Variants in PPP2R2B observed in about 807,000 individuals in gnomAD.
The protein encoded by PPP2R2B is protein phosphatase 2 regulatory subunit Bbeta, also known as serine/threonine-protein phosphatase 2A 55 kDa regulatory subunit B beta isoform.
Under a neutral mutation model 46.0 loss-of-function variants are expected in PPP2R2B, and 5 were observed. That is an observed-to-expected ratio of 0.11 (90% CI 0.06 to 0.23). The LOEUF is 0.23. Ranked by LOEUF, PPP2R2B falls within the 10% of genes least tolerant of loss-of-function variation. The probability of loss-of-function intolerance (pLI) is 1.00; values close to 1 mark genes in which losing one functional copy is unlikely to be tolerated. For missense variants in PPP2R2B, 367 were observed against 575.0 expected (o/e 0.64, Z 3.70); for synonymous variants, 215 against 206.7 (o/e 1.04, Z -0.34).
At chr5:146,945,195 G>A (rs1764442365) in intron 1 of PPP2R2B, among the ~76,000 whole-genome samples, 2 of 152,112 alleles carry the variant, frequency 1.3e-5, no homozygotes, top group South Asian at 4.1e-4. Flanking sequence ...AAGAAAAATA[G>A]AAGACATTAG....
chr5:146,600,538 G>C, intron 7 of PPP2R2B, 78 bp from the exon 8 acceptor site: 1 of 1,435,610 alleles, frequency 7.0e-7, no homozygotes, highest in Non-Finnish European at 9.5e-7. Flanking sequence ...TGGCTAGGAA[G>C]CTGACAGTGT....
intron 1 of PPP2R2B, among the ~76,000 whole-genome samples, chr5:147,045,612 A>T (rs1756508972): frequency 1.3e-5 from 2 of 152,282 alleles, no homozygotes; most frequent in Admixed American, 6.5e-5. Context: ...TCCTCACAGC[A>T]GTCCCAAAAA....
At chr5:146,719,380 T>C (rs1043405667) in intron 2 of PPP2R2B, among the ~76,000 whole-genome samples, 3 of 152,248 alleles carry the variant, frequency 2.0e-5, no homozygotes, top group African/African-American at 7.2e-5. Context: ...TGACTTTAGG[T>C]GTCAGAAAGA....
chr5:146,961,811 A>AT (rs564893284), intron 1 of PPP2R2B, among the ~76,000 whole-genome samples: 5 of 151,884 alleles, frequency 3.3e-5, no homozygotes, highest in South Asian at 2.1e-4. Flanking sequence ...CATGGAGGAG[A>AT]TTTTTTTTCA....
chr5:146,730,530 T>C (rs1752163507), intron 2 of PPP2R2B, among the ~76,000 whole-genome samples: 2 of 152,106 alleles, frequency 1.3e-5, no homozygotes, highest in South Asian at 2.1e-4. Context: ...CTGAATTGTA[T>C]CTCCCAGAAT....
intron 1 of PPP2R2B, chr5:146,917,929 A>G (rs1763452469): frequency 6.6e-6 from 1 of 152,238 alleles, no homozygotes; most frequent in Non-Finnish European, 1.5e-5. Flanking sequence ...AAACAGAGTC[A>G]TCTCAAATAC....
chr5:146,880,111 C>T (rs1344991275), upstream of PPP2R2B, among the ~76,000 whole-genome samples: 2 of 151,968 alleles, frequency 1.3e-5, no homozygotes, highest in Non-Finnish European at 2.9e-5. Flanking sequence ...TGACATCTTC[C>T]TCATCTCCAG....
intron 4 of PPP2R2B, among the ~76,000 whole-genome samples, chr5:146,693,026 C>T (rs1169138688): frequency 6.6e-6 from 1 of 152,188 alleles, no homozygotes; most frequent in East Asian, 1.9e-4. Flanking sequence ...TGGAATCAGA[C>T]AACCTTGGGC....
At position 146,896,559 on chromosome 5, in the gene PPP2R2B, C is replaced by A. The variant is rs749153647; in HGVS notation, c.79+159106G>T. On this transcript the variant is annotated intron_variant, in intron 1 of 8. Transcript: ENST00000336640. The stretch of plus-strand genomic sequence containing the variant: ...CATTTGAAAAGAACACCTAAACAGT[C>A]ACCAGGATGATTTTTCTCTCAAAGA... Among the ~76,000 whole-genome samples, 83 of 152,190 alleles carry A rather than the reference C, an allele frequency of 5.5e-4. 1 individual carries two copies. Among genetic ancestry groups the A allele is most frequent in the Non-Finnish European group, 1.1e-3 (76 of 68,034 alleles).
chr5:146,691,710 C>T (rs949603515), intron 4 of PPP2R2B, among the ~76,000 whole-genome samples: 19 of 152,132 alleles, frequency 1.2e-4, no homozygotes, highest in African/African-American at 3.6e-4. Flanking sequence ...CCTGCCCTCT[C>T]CACTTTCTCC....
intron 1 of PPP2R2B, among the ~76,000 whole-genome samples, chr5:147,015,869 A>G (rs1380394426): frequency 6.6e-6 from 1 of 151,424 alleles, no homozygotes; most frequent in African/African-American, 2.4e-5. Flanking sequence ...TTTCTCAATA[A>G]ATGATATCTA....
At chr5:146,864,645 A>G (rs1761203318) in intron 2 of PPP2R2B, among the ~76,000 whole-genome samples, 3 of 152,232 alleles carry the variant, frequency 2.0e-5, no homozygotes, top group African/African-American at 4.8e-5. Context: ...ACTGAATCCC[A>G]GGGTACAAAC....
At chr5:146,891,613 A>G (rs1762493421) in intron 1 of PPP2R2B, among the ~76,000 whole-genome samples, 2 of 152,198 alleles carry the variant, frequency 1.3e-5, no homozygotes, top group African/African-American at 4.8e-5. Context: ...CCTGCCTACT[A>G]TGTGCTTAGC....
chr5:146,629,874 C>T (rs1210848828), intron 7 of PPP2R2B, among the ~76,000 whole-genome samples: 4 of 152,048 alleles, frequency 2.6e-5, no homozygotes, highest in African/African-American at 9.7e-5. Flanking sequence ...AGTGCAGTGG[C>T]ACAATCTTGG....
chr5:147,078,347 A>T (rs1197770065), intron 2 of PPP2R2B, among the ~76,000 whole-genome samples: 1 of 152,192 alleles, frequency 6.6e-6, no homozygotes, highest in Non-Finnish European at 1.5e-5. Flanking sequence ...AGACACTAGA[A>T]TTCTCATAAT....
chr5:146,827,999 A>AAGAGAG (rs35087951), intron 2 of PPP2R2B, among the ~76,000 whole-genome samples: 41 of 148,820 alleles, frequency 2.8e-4, no homozygotes, highest in Non-Finnish European at 3.6e-4. Context: ...GGCCTAGTTG[A>AAGAGAG]AGAGAGAGAG....
chr5:147,033,863 T>G (rs1314710525), intron 1 of PPP2R2B, among the ~76,000 whole-genome samples: 2 of 152,184 alleles, frequency 1.3e-5, no homozygotes, highest in Non-Finnish European at 2.9e-5. Flanking sequence ...GATAGCCTCT[T>G]ATTGGTATTC....
At chr5:146,886,429 T>G (rs748615451) in intron 1 of PPP2R2B, among the ~76,000 whole-genome samples, 20 of 152,056 alleles carry the variant, frequency 1.3e-4, no homozygotes, top group Non-Finnish European at 2.4e-4. Context: ...CTGAATATAA[T>G]TAAAAACCAC....
chr5:146,899,248 G>A (rs1483313837), intron 1 of PPP2R2B, among the ~76,000 whole-genome samples: 1 of 146,942 alleles, frequency 6.8e-6, no homozygotes, highest in Non-Finnish European at 1.5e-5. Flanking sequence ...TGATAGACTG[G>A]ATTAAGAAAA....
Sources: allele counts gnomAD v4.1 joint callset (sites outside exome capture counted in the v4.1 genomes callset), GRCh38; gene constraint gnomAD v4.1.1; transcripts MANE v1.5; gene names NCBI Gene and HGNC (gene_info 2026-07-23, HGNC 2026-07-21).